NF2: variants seen among roughly 807,000 people sequenced by gnomAD.
The protein encoded by NF2 is merlin.
A neutral mutation model predicts 83.7 loss-of-function variants in NF2; 8 were observed. The ratio of observed to expected loss-of-function variants is 0.10; its 90% confidence interval spans 0.06 to 0.17. The LOEUF is 0.17. NF2 is among the 10% of genes least tolerant of loss of function. The pLI, the probability that NF2 is intolerant of heterozygous loss-of-function variation, is 1.00. For missense variants in NF2, 533 were observed against 744.4 expected (o/e 0.72, Z 3.31); for synonymous variants, 266 against 269.6 (o/e 0.99, Z 0.13).
chr22:29,697,536 A>G lies in NF2; in HGVS notation c.*2734A>G, dbSNP rs1288843677. 1.7e-5 allele frequency: 3 copies of G among 179,090 alleles called. No individual in the cohort carries two copies. Among genetic ancestry groups the G allele is most frequent in the African/African-American group, 2.4e-5 (1 of 41,908 alleles). The allele number at this position is 179,090 out of a possible 1,614,324, so 11.1% of individuals were successfully genotyped here. A position where few individuals can be genotyped will look rare whatever the true frequency, so the allele number is the denominator to read the frequency against. On this transcript the variant is annotated 3_prime_UTR_variant, in exon 16 of 16. Transcript: ENST00000338641. ...AGAAAGAGATGCCTGGTTTTCACAG[A>G]CTGGTTCCTGTGGCTGGGATGACTG...
At chr22:29,663,566 G>A (rs2066535677) in intron 8 of NF2, among the ~76,000 whole-genome samples, 1 of 152,208 alleles carries the variant, frequency 6.6e-6, no homozygotes, top group Non-Finnish European at 1.5e-5. Flanking sequence ...ACTACTTGTG[G>A]TTTCCCAATG....
At chr22:29,603,630 C>T (rs2064699408), upstream of NF2, 3 of 406,116 alleles carry the variant, frequency 7.4e-6, no homozygotes. Flanking sequence ...GCAGCGCGGC[C>T]CCGTGACCCT....
At chr22:29,611,884 A>G (rs1212648471) in intron 1 of NF2, among the ~76,000 whole-genome samples, 1 of 152,276 alleles carries the variant, frequency 6.6e-6, no homozygotes, top group Non-Finnish European at 1.5e-5. Flanking sequence ...TCCATTTACA[A>G]TAACCTAAAA....
chr22:29,641,408 T>C (rs1212718231), intron 3 of NF2, among the ~76,000 whole-genome samples: 1 of 152,244 alleles, frequency 6.6e-6, no homozygotes, highest in East Asian at 1.9e-4. Context: ...CTTGTGTGAC[T>C]GACTTGATTT....
In NF2 at chr22:29,697,842, A is replaced by T; in HGVS notation, c.*3040A>T. ...CGGCCTCCCAAAGTGCTGGGATTAC[A>T]GGCATGAGCCACCGCGCTTGGCCAG... On this transcript the variant is annotated 3_prime_UTR_variant, in exon 16 of 16. Coordinates refer to ENST00000338641, the MANE Select transcript of NF2 (RefSeq NM_000268.4). The T allele has an allele frequency of 5.3e-6, 1 of 188,784 alleles. No homozygotes were observed. The highest frequency in any genetic ancestry group is 1.1e-5 in the Non-Finnish European group (1 of 89,702). 11.7% of individuals were successfully genotyped at this position (188,784 alleles called of 1,614,324 possible).
At position 29,606,516 on chromosome 22, in the gene NF2, C is replaced by G. The variant is rs1487340195; in HGVS notation, c.114+2404C>G. ...CCGGGATTTTGCCTCAGGAGAGAAG[C>G]AGGCCCTAAAACAGATAGCTCCTAA... is the stretch of plus-strand genomic sequence containing the variant. On this transcript the variant is annotated intron_variant, in intron 1 of 15. Transcript: ENST00000338641. Among the ~76,000 whole-genome samples the G allele has an allele frequency of 2.0e-5, 3 of 152,214 alleles. No homozygotes were observed. The East Asian group carries it at 5.8e-4, about 29-fold the overall frequency.
intron 1 of NF2, among the ~76,000 whole-genome samples, chr22:29,620,996 G>A (rs2065205367): frequency 6.6e-6 from 1 of 152,188 alleles, no homozygotes; most frequent in African/African-American, 2.4e-5. Context: ...TACATAGCAT[G>A]CTTAAAGGCT....
In NF2 at chr22:29,662,734, T is replaced by C. The variant is rs551002969; in HGVS notation, c.810+1395T>C. On this transcript the variant is annotated intron_variant, in intron 8 of 15. Transcript: ENST00000338641. ...AGACACAGAAGGATCAAGTGACCTG[T>C]GTCTGAGTGAAGTAGCAGAGATTAG... Among the ~76,000 whole-genome samples, 15 of 152,334 alleles carry C rather than the reference T, an allele frequency of 9.8e-5. 1 individual carries two copies. The South Asian group carries it at 3.1e-3, about 32-fold the overall frequency.
At position 29,606,492 on chromosome 22, in the gene NF2, C is replaced by T. The variant is rs138239394; in HGVS notation, c.114+2380C>T. Among the ~76,000 whole-genome samples, 39 of 152,290 alleles carry T rather than the reference C, an allele frequency of 2.6e-4. 1 individual carries two copies. The highest frequency in any genetic ancestry group is 7.7e-4 in the African/African-American group (32 of 41,564). On this transcript the variant is annotated intron_variant, in intron 1 of 15. Coordinates refer to ENST00000338641, the MANE Select transcript of NF2 (RefSeq NM_000268.4). Reference sequence around the variant, plus strand: ...CCCCACAGCTCCAGAGCCTTGGCTCCGGGATTTTGCCTCAGGAGAGAAGCA... The same window carrying T: ...CCCCACAGCTCCAGAGCCTTGGCTCTGGGATTTTGCCTCAGGAGAGAAGCA...
At chr22:29,643,632 C>T (rs1358526186) in intron 4 of NF2, among the ~76,000 whole-genome samples, 6 of 152,196 alleles carry the variant, frequency 3.9e-5, no homozygotes, top group Non-Finnish European at 8.8e-5. Context: ...AACAGGATCC[C>T]AAGGCAGAAG....
chr22:29,649,425 G>C (rs1362028397), intron 4 of NF2, among the ~76,000 whole-genome samples: 1 of 152,210 alleles, frequency 6.6e-6, no homozygotes, highest in African/African-American at 2.4e-5. Flanking sequence ...ACTTGGCCGG[G>C]TGCGGTGGCT....
chr22:29,627,165 G>A (rs138621243), intron 1 of NF2, among the ~76,000 whole-genome samples: 227 of 152,210 alleles, frequency 1.5e-3, no homozygotes, highest in African/African-American at 5.1e-3. Flanking sequence ...GAAAATTATC[G>A]TAGCAATGAA....
At chr22:29,667,498 C>T (rs190379735) in intron 9 of NF2, among the ~76,000 whole-genome samples, 2 of 152,256 alleles carry the variant, frequency 1.3e-5, no homozygotes, top group Non-Finnish European at 2.9e-5. Flanking sequence ...GCCTCCCCTT[C>T]CCAAAGTGCT....
intron 11 of NF2, among the ~76,000 whole-genome samples, chr22:29,672,309 C>CTTTT (rs779561094): frequency 2.1e-4 from 26 of 123,598 alleles, no homozygotes; most frequent in African/African-American, 4.9e-4. Flanking sequence ...CCACATGTCT[C>CTTTT]TTTTTTTTTT....
chr22:29,673,378 G>A lies in NF2; in HGVS notation c.1232G>A (p.Arg411His), dbSNP rs201214090. 28 of 1,610,898 alleles carry A rather than the reference G, an allele frequency of 1.7e-5. No homozygotes were observed. The highest frequency in any genetic ancestry group is 1.0e-4 in the Admixed American group (6 of 59,520). ...GCAGAGGCTGAGCAGGAAATGCAGCGCATCAAGGCCACAGCGATTCGCACG... is the reference window on the plus strand; with the variant it reads ...GCAGAGGCTGAGCAGGAAATGCAGCACATCAAGGCCACAGCGATTCGCACG... Reference protein sequence around the residue: ...KAAEAEQEMQRIKATAIRTEE... With the variant: ...KAAEAEQEMQHIKATAIRTEE... The change falls in exon 12 of 16, where the codon CGC becomes CAC. Residue 411 changes from arginine to histidine, a missense_variant. Arg to His is a conservative substitution (Grantham distance 29). Around this residue, in one of 3 missense-constraint regions of NF2, gnomAD observed 199 missense variants for 240.7 expected, o/e 0.83. Coordinates refer to ENST00000338641, the MANE Select transcript of NF2 (RefSeq NM_000268.4).
At chr22:29,672,078 A>G (rs1307506859) in intron 11 of NF2, 130 bp downstream of exon 11, 1 of 1,368,140 alleles carries the variant, frequency 7.3e-7, no homozygotes, top group Non-Finnish European at 1.0e-6. Flanking sequence ...CTTTGAAAAA[A>G]TCAGTGCCTT....
At position 29,681,612 on chromosome 22, in the gene NF2, T is replaced by C. The variant is rs890053838; in HGVS notation, c.1737+11T>C. ...AATACCATTAAAAAGGTACCCAGGGTCTCTTTCTTGTATTTTGCTGATCAG... is the reference window on the plus strand; with the variant it reads ...AATACCATTAAAAAGGTACCCAGGGCCTCTTTCTTGTATTTTGCTGATCAG... On this transcript the variant is annotated intron_variant, in intron 15 of 15. Transcript: ENST00000338641. 1.5e-5 allele frequency: 25 copies of C among 1,613,680 alleles called. No individual in the cohort carries two copies. The highest frequency in any genetic ancestry group is 2.1e-5 in the Non-Finnish European group (25 of 1,179,924).
Position 29,698,008 on chromosome 22 carries a change from C to T in NF2, c.*3206C>T, listed in dbSNP as rs2067600729. 4.4e-6 allele frequency: 1 copy of T among 228,016 alleles called. No homozygotes were observed. Among genetic ancestry groups the T allele is most frequent in the East Asian group, 6.2e-5 (1 of 16,142 alleles). 14.1% of individuals were successfully genotyped at this position (228,016 alleles called of 1,614,324 possible). A position where few individuals can be genotyped will look rare whatever the true frequency, so the allele number is the denominator to read the frequency against. On this transcript the variant is annotated 3_prime_UTR_variant, in exon 16 of 16. Coordinates refer to ENST00000338641, the MANE Select transcript of NF2 (RefSeq NM_000268.4). Reference sequence around the variant, plus strand: ...GCTCTCAGGCAGAAGCCCCACAGCACCGGGACCATTCATGAGGTCACTGCC... The same window carrying T: ...GCTCTCAGGCAGAAGCCCCACAGCATCGGGACCATTCATGAGGTCACTGCC...
At chr22:29,648,144 A>AAATT (rs2066036619) in intron 4 of NF2, among the ~76,000 whole-genome samples, 1 of 149,556 alleles carries the variant, frequency 6.7e-6, no homozygotes, top group Non-Finnish European at 1.5e-5. Flanking sequence ...ATAAATAAAT[A>AAATT]AATAAATAAA....
Sources: gnomAD v4.1 joint callset for allele counts (sites outside exome capture counted in the v4.1 genomes callset) on GRCh38, gnomAD v4.1.1 for gene constraint, gnomAD v4.1.1 regional missense constraint, MANE v1.5 for transcripts, NCBI Gene and HGNC (gene_info 2026-07-23, HGNC 2026-07-21) for gene names.